DLGAP1: variants seen among roughly 807,000 people sequenced by gnomAD.
DLGAP1 encodes the protein DLG associated protein 1.
DLGAP1 carries 11 observed loss-of-function variants against 90.8 expected under a neutral mutation model. The observed-to-expected ratio is 0.12, with a 90% confidence interval of 0.08 to 0.20. The LOEUF (loss-of-function observed/expected upper bound fraction) is 0.20. DLGAP1 is among the 10% of genes least tolerant of loss of function. DLGAP1 has a pLI of 1.00. For synonymous variants in DLGAP1, 558 were observed against 540.7 expected (o/e 1.03, Z -0.44); for missense variants, 1,050 against 1,333.8 (o/e 0.79, Z 3.31).
intron 1 of DLGAP1, among the ~76,000 whole-genome samples, chr18:4,297,690 T>C (rs1195020227): frequency 6.6e-6 from 1 of 152,140 alleles, no homozygotes; most frequent in African/African-American, 2.4e-5. Flanking sequence ...GGCTCTCTCC[T>C]TTCTATTCTC....
chr18:3,710,351 C>T (rs1010292379), intron 7 of DLGAP1, among the ~76,000 whole-genome samples: 5 of 152,148 alleles, frequency 3.3e-5, no homozygotes, highest in African/African-American at 9.7e-5. Context: ...CTACGTCATC[C>T]CCCGCCCTTT....
chr18:4,404,575 C>T (rs1024978267), intron 1 of DLGAP1, among the ~76,000 whole-genome samples: 2 of 152,178 alleles, frequency 1.3e-5, no homozygotes, highest in African/African-American at 4.8e-5. Context: ...CTCTTACATA[C>T]ATTACTGGGA....
intron 2 of DLGAP1, among the ~76,000 whole-genome samples, chr18:4,147,675 A>G (rs1263254492): frequency 2.0e-5 from 3 of 152,080 alleles, no homozygotes; most frequent in Non-Finnish European, 4.4e-5. Flanking sequence ...AGTCTGTGAC[A>G]CAGTAAAGGA....
intron 3 of DLGAP1, among the ~76,000 whole-genome samples, chr18:3,912,228 A>C (rs73940289): frequency 0.063 from 9,659 of 152,284 alleles, 986 homozygotes; most frequent in African/African-American, 0.21. Flanking sequence ...CTAATGCTTT[A>C]CCTCATATGT....
chr18:3,685,263 T>C (rs2060655808), intron 7 of DLGAP1, among the ~76,000 whole-genome samples: 1 of 152,004 alleles, frequency 6.6e-6, no homozygotes, highest in Non-Finnish European at 1.5e-5. Context: ...TGTCTCATGG[T>C]AAAAATCCAA....
chr18:3,776,262 A>G (rs2148071342), intron 5 of DLGAP1, among the ~76,000 whole-genome samples: 1 of 152,330 alleles, frequency 6.6e-6, no homozygotes, highest in Admixed American at 6.5e-5. Context: ...ATTTTAGAGG[A>G]AACATTAACT....
At chr18:3,697,285 G>T (rs779164475) in intron 7 of DLGAP1, among the ~76,000 whole-genome samples, 3 of 151,980 alleles carry the variant, frequency 2.0e-5, no homozygotes, top group Non-Finnish European at 4.4e-5. Flanking sequence ...TGATGTTAGG[G>T]TGTTGATTTT....
At chr18:4,205,827 G>A (rs941485311) in intron 1 of DLGAP1, among the ~76,000 whole-genome samples, 7 of 152,202 alleles carry the variant, frequency 4.6e-5, no homozygotes, top group Admixed American at 1.3e-4. Flanking sequence ...ATAAGGAGAA[G>A]CCACATACAA....
At chr18:3,678,206 C>T (rs1263479688) in intron 7 of DLGAP1, among the ~76,000 whole-genome samples, 2 of 152,224 alleles carry the variant, frequency 1.3e-5, no homozygotes, top group Non-Finnish European at 2.9e-5. Context: ...CAGTGATCTG[C>T]CTGCCTTAGC....
At chr18:3,608,940 ATCC>A (rs1488511330) in intron 7 of DLGAP1, among the ~76,000 whole-genome samples, 1 of 152,162 alleles carries the variant, frequency 6.6e-6, no homozygotes, top group Non-Finnish European at 1.5e-5. Flanking sequence ...AGGTTCAATG[ATCC>A]TCCTGCCTCA....
Position 3,880,145 on chromosome 18 carries a change from G to A in DLGAP1, c.-72-5C>T. On this transcript the variant is annotated splice_polypyrimidine_tract_variant and splice_region_variant and intron_variant, in intron 3 of 12. Coordinates refer to ENST00000315677, the MANE Select transcript of DLGAP1 (RefSeq NM_004746.4). ...AGACCCGTCTTGGGCAGGGATCTGG[G>A]GGAATGAAGAAAAGGGCAAAGTCGT... 5 of 1,385,752 alleles carry A rather than the reference G, an allele frequency of 3.6e-6. No homozygotes were observed. The South Asian group carries it at 5.9e-5, about 16-fold the overall frequency. 85.8% of individuals were successfully genotyped at this position (1,385,752 alleles called of 1,614,324 possible).
rs191818326 is a variant in DLGAP1, at chr18:3,825,227, T to C, written c.958-10954A>G. On this transcript the variant is annotated intron_variant, in intron 4 of 12. Coordinates refer to ENST00000315677, the MANE Select transcript of DLGAP1 (RefSeq NM_004746.4). ...TTCTTTCACTTTAAACTGATTACTT[T>C]GTGGTTAAGCTGGAGTTAAAAGTTC... Among the ~76,000 whole-genome samples, 24 of 152,358 alleles carry C rather than the reference T, an allele frequency of 1.6e-4. No homozygotes were observed. The East Asian group carries it at 2.1e-3, about 13-fold the overall frequency.
chr18:4,400,325 C>T (rs1363440688), intron 1 of DLGAP1, among the ~76,000 whole-genome samples: 1 of 152,230 alleles, frequency 6.6e-6, no homozygotes, highest in African/African-American at 2.4e-5. Flanking sequence ...TCTGTGAAAA[C>T]ATTCAAGTTT....
Position 3,895,367 on chromosome 18 carries a change from G to A in DLGAP1, c.-72-15227C>T, listed in dbSNP as rs148127498. On this transcript the variant is annotated intron_variant, in intron 3 of 12. Coordinates refer to ENST00000315677, the MANE Select transcript of DLGAP1 (RefSeq NM_004746.4). ...ATCTCATAAACCACTTTAATCTCTC[G>A]TGGAAACAAATTGTAGTAGAGGTAG... is the stretch of plus-strand genomic sequence containing the variant. Among the ~76,000 whole-genome samples the A allele has an allele frequency of 6.7e-3, 996 of 149,370 alleles. 5 individuals carry two copies. Among genetic ancestry groups the A allele is most frequent in the Admixed American group, 8.8e-3 (131 of 14,942 alleles).
chr18:3,804,576 T>C (rs1423377205), intron 5 of DLGAP1, among the ~76,000 whole-genome samples: 1 of 152,132 alleles, frequency 6.6e-6, no homozygotes, highest in African/African-American at 2.4e-5. Flanking sequence ...ACAGGGAGCT[T>C]TTCAGAGAAC....
intron 2 of DLGAP1, among the ~76,000 whole-genome samples, chr18:4,087,271 G>T (rs140401855): frequency 0.023 from 3,515 of 151,788 alleles, 79 homozygotes; most frequent in Non-Finnish European, 0.033. Context: ...CCCAAAACTG[G>T]CCATAAACAA....
At chr18:3,772,569 T>C (rs1396698583) in intron 5 of DLGAP1, among the ~76,000 whole-genome samples, 3 of 151,030 alleles carry the variant, frequency 2.0e-5, no homozygotes, top group Admixed American at 6.6e-5. Flanking sequence ...TCTTTTAATA[T>C]ATTTAGGAAT....
intron 1 of DLGAP1, among the ~76,000 whole-genome samples, chr18:4,207,331 A>G (rs774831511): frequency 6.6e-6 from 1 of 152,154 alleles, no homozygotes; most frequent in Non-Finnish European, 1.5e-5. Context: ...AGCTCTTGTG[A>G]GTACTTACTA....
chr18:4,010,551 C>A (rs925211701), intron 2 of DLGAP1, among the ~76,000 whole-genome samples: 2 of 151,946 alleles, frequency 1.3e-5, no homozygotes, highest in Admixed American at 1.3e-4. Flanking sequence ...GTCTAAAAAT[C>A]AATAAACAAA....
Sources: gnomAD v4.1 joint callset for allele counts (sites outside exome capture counted in the v4.1 genomes callset) on GRCh38, gnomAD v4.1.1 for gene constraint, MANE v1.5 for transcripts, NCBI Gene and HGNC (gene_info 2026-07-23, HGNC 2026-07-21) for gene names.